CHRDL1: variants seen among roughly 807,000 people sequenced by gnomAD.
CHRDL1 encodes the protein chordin like 1, also known as chordin-like protein 1.
CHRDL1 carries 19 observed loss-of-function variants against 40.9 expected under a neutral mutation model. That is an observed-to-expected ratio of 0.46 (90% confidence interval 0.32 to 0.68). The LOEUF is 0.68. CHRDL1 is among the 30% of genes least tolerant of loss of function. The probability of loss-of-function intolerance (pLI) is 0.03; values close to 1 mark genes in which losing one functional copy is unlikely to be tolerated. For synonymous variants in CHRDL1, 136 were observed against 123.4 expected (o/e 1.10, Z -0.68); for missense variants, 329 against 352.1 (o/e 0.93, Z 0.53).
At chrX:110,703,521 A>G (rs948155303) in intron 6 of CHRDL1, among the ~76,000 whole-genome samples, 1 of 111,874 alleles carries the variant, frequency 8.9e-6, no homozygotes, top group Non-Finnish European at 1.9e-5. Context: ...TGCTTTGAAC[A>G]CTTCTTGGGT....
intron 4 of CHRDL1, among the ~76,000 whole-genome samples, chrX:110,735,344 A>G (rs933545153): frequency 3.6e-5 from 4 of 112,376 alleles, no homozygotes; most frequent in Non-Finnish European, 7.5e-5. Flanking sequence ...ATGATAACTC[A>G]GCATTTTCTC....
intron 4 of CHRDL1, among the ~76,000 whole-genome samples, chrX:110,733,362 T>C (rs1289600093): frequency 9.0e-6 from 1 of 111,234 alleles, no homozygotes; most frequent in African/African-American, 3.3e-5. Context: ...CTACCTCTGA[T>C]TGGCCAATTC....
intron 4 of CHRDL1, among the ~76,000 whole-genome samples, chrX:110,731,190 G>T (rs1443536111): frequency 9.0e-6 from 1 of 111,335 alleles, no homozygotes; most frequent in Non-Finnish European, 1.9e-5. Flanking sequence ...TTTCCCAGAG[G>T]TTTAATATCT....
chrX:110,776,747 CCT>C lies in CHRDL1; in HGVS notation c.95-13942_95-13941del, dbSNP rs752882881. Among the ~76,000 whole-genome samples the C allele has an allele frequency of 6.5e-4, 72 of 110,308 alleles. 1 individual carries two copies. Among genetic ancestry groups the C allele is most frequent in the Non-Finnish European group, 1.1e-3 (60 of 52,516 alleles). On this transcript the variant is annotated intron_variant, in intron 2 of 11. Transcript: ENST00000372042. ...AGGTACAGAGATTTCCCATATACCC[CCT>C]GTTACCACTGCCACACATGCATAGT...
chrX:110,778,712 A>C (rs2089892168), intron 2 of CHRDL1, among the ~76,000 whole-genome samples: 1 of 111,987 alleles, frequency 8.9e-6, no homozygotes, highest in Admixed American at 9.5e-5. Context: ...AAGACCTAAA[A>C]ACAGAACTTC....
intron 2 of CHRDL1, among the ~76,000 whole-genome samples, chrX:110,763,556 T>C (rs2404178): frequency 0.023 from 2,385 of 103,851 alleles, 75 homozygotes; most frequent in African/African-American, 0.086. Context: ...TATATATATA[T>C]ATACACACAC....
At chrX:110,728,580 C>T (rs1364644497) in intron 4 of CHRDL1, among the ~76,000 whole-genome samples, 1 of 111,766 alleles carries the variant, frequency 8.9e-6, no homozygotes, top group Admixed American at 9.5e-5. Context: ...TCATTGAGCC[C>T]GTCCATCTGG....
At chrX:110,716,937 T>C (rs182986649) in intron 6 of CHRDL1, among the ~76,000 whole-genome samples, 115 of 111,880 alleles carry the variant, frequency 1.0e-3, no homozygotes, top group Middle Eastern at 4.6e-3. Flanking sequence ...TCATCTCAAA[T>C]TGGTTGCCAT....
chrX:110,729,020 T>C (rs1036285694), intron 4 of CHRDL1, among the ~76,000 whole-genome samples: 1 of 111,898 alleles, frequency 8.9e-6, no homozygotes, highest in Non-Finnish European at 1.9e-5. Context: ...CCAGCTACTC[T>C]GGAGGCTGAG....
chrX:110,711,334 AC>A (rs777501534), intron 6 of CHRDL1, among the ~76,000 whole-genome samples: 3 of 111,294 alleles, frequency 2.7e-5, no homozygotes, highest in Non-Finnish European at 3.8e-5. Context: ...AACGAGATTT[AC>A]CCTTTTAACA....
At chrX:110,787,010 C>T (rs2090026617) in intron 2 of CHRDL1, among the ~76,000 whole-genome samples, 1 of 111,628 alleles carries the variant, frequency 9.0e-6, no homozygotes, top group Non-Finnish European at 1.9e-5. Flanking sequence ...AATTCGGAGA[C>T]CTGGGTTTTG....
rs1203030853 is a variant in CHRDL1 at position 110,689,656 on chromosome X, CATCTATATATCTATATATCTATAT to C, written c.779-877_779-854del. Among the ~76,000 whole-genome samples the C allele has an allele frequency of 1.3e-3, 14 of 10,511 alleles. 4 individuals are homozygous for C. The highest frequency in any genetic ancestry group is 9.8e-3 in the African/African-American group (6 of 614). 9.1% of individuals were successfully genotyped at this position (10,511 alleles called of 115,157 possible). On this transcript the variant is annotated intron_variant, in intron 8 of 11. Transcript: ENST00000372042. Reference sequence around the variant, plus strand: ...TATATATCTATATATATCTATATATCATCTATATATCTATATATCTATATATCTATATATCTATATATCTATATA... The same window carrying C: ...TATATATCTATATATATCTATATATCATCTATATATCTATATATCTATATA...
At chrX:110,795,635 C>G (rs1300265675) in intron 1 of CHRDL1, 109 bp downstream of exon 1, 1 of 112,019 alleles carries the variant, frequency 8.9e-6, no homozygotes, top group Non-Finnish European at 1.9e-5. Context: ...GAATTTGGGG[C>G]ACCCTGGGGA....
chrX:110,689,705 ATC>A (rs1308877750), intron 8 of CHRDL1, among the ~76,000 whole-genome samples: 3 of 41,760 alleles, frequency 7.2e-5, no homozygotes, highest in African/African-American at 5.0e-4. Context: ...ATATCTATAT[ATC>A]TATATATATA....
rs2069896260 is a variant in CHRDL1 at position 110,681,525 on chromosome X, C to T, written c.1113G>A (p.Glu371=). ...CGTGGACCTCTACCTGAGGTGGTCT[C>T]TCAGTCTCCAGTGCTATTTTTCTGG... ...ETTRKIALET[E]RPPQVEVHVW... is the part of the protein sequence containing the mutation. Residue 371 remains glutamate, a synonymous_variant, in exon 10 of 12, where the codon GAG becomes GAA. Coordinates refer to ENST00000372042, the MANE Select transcript of CHRDL1 (RefSeq NM_001143981.2). 1 of 1,209,859 alleles carries T rather than the reference C, an allele frequency of 8.3e-7. No homozygotes were observed. Among genetic ancestry groups the T allele is most frequent in the Non-Finnish European group, 1.1e-6 (1 of 893,886 alleles).
intron 4 of CHRDL1, among the ~76,000 whole-genome samples, chrX:110,756,488 G>C (rs1003508793): frequency 9.1e-6 from 1 of 110,347 alleles, no homozygotes; most frequent in Non-Finnish European, 1.9e-5. Flanking sequence ...TCCAAGTTAG[G>C]CAGTTGTAGA....
intron 4 of CHRDL1, among the ~76,000 whole-genome samples, chrX:110,734,836 A>C (rs1196657819): frequency 1.8e-5 from 2 of 111,769 alleles, no homozygotes; most frequent in African/African-American, 6.5e-5. Flanking sequence ...TTCCTTTGCT[A>C]CTGTACTATG....
intron 9 of CHRDL1, among the ~76,000 whole-genome samples, chrX:110,683,938 T>C: frequency 8.9e-6 from 1 of 112,279 alleles, no homozygotes. Context: ...GTGGTTCTCC[T>C]GTCCAGCCCA....
chrX:110,710,844 G>C (rs1230837444), intron 6 of CHRDL1, among the ~76,000 whole-genome samples: 3 of 111,488 alleles, frequency 2.7e-5, no homozygotes, highest in Non-Finnish European at 5.6e-5. Context: ...TTTTGAAAAG[G>C]TATTATTAAT....
Sources: gnomAD v4.1 joint callset for allele counts (sites outside exome capture counted in the v4.1 genomes callset) on GRCh38, gnomAD v4.1.1 for gene constraint, MANE v1.5 for transcripts, NCBI Gene and HGNC (gene_info 2026-07-23, HGNC 2026-07-21) for gene names.